ADCY2: variants seen among roughly 807,000 people sequenced by gnomAD.
ADCY2 encodes adenylate cyclase 2.
Under a neutral mutation model 125.2 loss-of-function variants are expected in ADCY2, and 31 were observed. The ratio of observed to expected loss-of-function variants is 0.25; its 90% CI spans 0.19 to 0.33. The LOEUF is 0.33. Ranked by LOEUF, ADCY2 falls within the 10% of genes least tolerant of loss-of-function variation. The pLI is 1.00. For synonymous variants in ADCY2, 512 were observed against 548.4 expected (o/e 0.93, Z 0.93); for missense variants, 904 against 1,418.2 (o/e 0.64, Z 5.82).
intron 15 of ADCY2, 121 bp downstream of exon 15, chr5:7,743,873 C>T: frequency 1.1e-6 from 1 of 888,030 alleles, no homozygotes; most frequent in Non-Finnish European, 1.8e-6. Context: ...ACTCCAGATC[C>T]CAGTTAAGGA....
At chr5:7,646,809 ATTG>A (rs777069063) in intron 4 of ADCY2, among the ~76,000 whole-genome samples, 3 of 152,286 alleles carry the variant, frequency 2.0e-5, no homozygotes, top group South Asian at 2.1e-4. Flanking sequence ...ATGATCCCAT[ATTG>A]TTATATTATC....
At chr5:7,745,285 G>A (rs1189142961) in intron 15 of ADCY2, among the ~76,000 whole-genome samples, 2 of 152,168 alleles carry the variant, frequency 1.3e-5, no homozygotes, top group African/African-American at 2.4e-5. Context: ...CTGCCTTTCC[G>A]CAGTCGACTG....
At chr5:7,694,002 A>C (rs1323435316) in intron 5 of ADCY2, among the ~76,000 whole-genome samples, 1 of 152,172 alleles carries the variant, frequency 6.6e-6, no homozygotes, top group Non-Finnish European at 1.5e-5. Flanking sequence ...ACTATAAGTC[A>C]GCGTGGAAGA....
chr5:7,751,959 C>T (rs998851660), intron 15 of ADCY2, among the ~76,000 whole-genome samples: 5 of 152,104 alleles, frequency 3.3e-5, no homozygotes, highest in African/African-American at 1.2e-4. Flanking sequence ...TTGACGAGTT[C>T]CTACCATTTA....
intron 2 of ADCY2, among the ~76,000 whole-genome samples, chr5:7,450,783 C>T (rs1276598432): frequency 6.6e-6 from 1 of 152,150 alleles, no homozygotes; most frequent in African/African-American, 2.4e-5. Flanking sequence ...TTCTCATTTA[C>T]TATTCTGAAA....
intron 15 of ADCY2, chr5:7,746,465 CA>C (rs1742630823): frequency 6.6e-6 from 1 of 152,192 alleles, no homozygotes; most frequent in South Asian, 2.1e-4. Flanking sequence ...TATTGGTGTA[CA>C]GCCAATTTAA....
chr5:7,763,138 G>A (rs1169049879), intron 16 of ADCY2, among the ~76,000 whole-genome samples: 2 of 151,888 alleles, frequency 1.3e-5, no homozygotes, highest in Non-Finnish European at 2.9e-5. Context: ...CTGTCGCCCA[G>A]GCTGGAGTGC....
chr5:7,463,230 A>G (rs973756253), intron 2 of ADCY2, among the ~76,000 whole-genome samples: 2 of 152,158 alleles, frequency 1.3e-5, no homozygotes, highest in Non-Finnish European at 2.9e-5. Flanking sequence ...AAGGACTGCT[A>G]ACGTCTTTTA....
chr5:7,765,485 T>A (rs1160802799), intron 16 of ADCY2, among the ~76,000 whole-genome samples: 1 of 152,224 alleles, frequency 6.6e-6, no homozygotes, highest in African/African-American at 2.4e-5. Flanking sequence ...TCTTTGATGC[T>A]TAAATCAGCA....
chr5:7,428,297 G>A (rs1740462885), intron 2 of ADCY2, among the ~76,000 whole-genome samples: 1 of 152,198 alleles, frequency 6.6e-6, no homozygotes, highest in Admixed American at 6.5e-5. Context: ...GAGAATCAAT[G>A]AGAAAAGTAG....
intron 2 of ADCY2, among the ~76,000 whole-genome samples, chr5:7,481,092 T>C (rs1742712441): frequency 6.6e-6 from 1 of 152,222 alleles, no homozygotes; most frequent in African/African-American, 2.4e-5. Flanking sequence ...TAATTTATGT[T>C]TTCACCAACA....
At chr5:7,793,679 C>T (rs1744331030) in intron 20 of ADCY2, 1 of 152,224 alleles carries the variant, frequency 6.6e-6, no homozygotes, top group Non-Finnish European at 1.5e-5. Flanking sequence ...GAAGCCAGCT[C>T]TGGGCTTTGT....
chr5:7,452,280 A>G (rs1005563012), intron 2 of ADCY2, among the ~76,000 whole-genome samples: 2 of 152,096 alleles, frequency 1.3e-5, no homozygotes, highest in Non-Finnish European at 2.9e-5. Context: ...TCCAATGTGC[A>G]TTATATCTCT....
At chr5:7,669,371 C>A (rs1739858591) in intron 4 of ADCY2, among the ~76,000 whole-genome samples, 1 of 152,096 alleles carries the variant, frequency 6.6e-6, no homozygotes, top group African/African-American at 2.4e-5. Flanking sequence ...AGTTTGTACA[C>A]AAAGCTCGGG....
At chr5:7,519,400 C>G (rs1744364906) in intron 2 of ADCY2, among the ~76,000 whole-genome samples, 1 of 152,200 alleles carries the variant, frequency 6.6e-6, no homozygotes, top group South Asian at 2.1e-4. Context: ...TCAGGTGACA[C>G]AGGTCACACT....
In ADCY2 at chr5:7,562,606, C is replaced by A. The variant is rs529366103; in HGVS notation, c.570+41707C>A. On this transcript the variant is annotated intron_variant, in intron 3 of 24. Transcript: ENST00000338316. ...TGAATCATTTCCATCCTGGAGCATG[C>A]GTGCACAGACACACACGTGTACACA... Among the ~76,000 whole-genome samples the A allele has an allele frequency of 2.0e-5, 3 of 152,236 alleles. No individual in the cohort carries two copies. The South Asian group carries it at 6.2e-4, about 32-fold the overall frequency.
intron 4 of ADCY2, among the ~76,000 whole-genome samples, chr5:7,685,843 A>G (rs1400942412): frequency 1.3e-5 from 2 of 152,122 alleles, no homozygotes; most frequent in African/African-American, 2.4e-5. Context: ...GACGTTATGA[A>G]ATGATTTCTG....
chr5:7,673,745 C>G (rs1307854926), intron 4 of ADCY2, among the ~76,000 whole-genome samples: 10 of 152,092 alleles, frequency 6.6e-5, no homozygotes. Flanking sequence ...AGGTGGGGGA[C>G]AGGGGAAGCT....
intron 4 of ADCY2, among the ~76,000 whole-genome samples, chr5:7,633,895 A>T (rs1039427665): frequency 1.3e-5 from 2 of 152,230 alleles, no homozygotes; most frequent in African/African-American, 4.8e-5. Flanking sequence ...AGAATGTTTA[A>T]TAGGCAAAGA....
Sources: allele counts gnomAD v4.1 joint callset (sites outside exome capture counted in the v4.1 genomes callset), GRCh38; gene constraint gnomAD v4.1.1; transcripts MANE v1.5; gene names NCBI Gene and HGNC (gene_info 2026-07-23, HGNC 2026-07-21).